The following MAN2A2 variants were observed in gnomAD, a reference collection of about 807,000 sequenced individuals.
The protein encoded by MAN2A2 is mannosidase alpha class 2A member 2.
A neutral mutation model predicts 126.8 loss-of-function variants in MAN2A2; 79 were observed. The ratio of observed to expected loss-of-function variants is 0.62; its 90% CI spans 0.52 to 0.75. The LOEUF is 0.75. Among genes scored for constraint, MAN2A2 ranks in the 30% least tolerant of loss-of-function variants. The probability of loss-of-function intolerance (pLI) is 0.00; values close to 1 mark genes in which losing one functional copy is unlikely to be tolerated. For synonymous variants in MAN2A2, 671 were observed against 618.7 expected, an observed-to-expected ratio of 1.08 and a Z score of -1.25; for missense variants, 1,392 against 1,522.4, an observed-to-expected ratio of 0.91 and a Z score of 1.43.
chr15:90,907,057 G>C (rs1445283558), intron 7 of MAN2A2, 144 bp downstream of exon 7: 2 of 1,081,872 alleles, frequency 1.8e-6, no homozygotes, highest in East Asian at 5.0e-5. Context: ...CGCACCCTCT[G>C]GTTAGGGGAG....
At chr15:90,917,953 G>A (rs779861368) in intron 20 of MAN2A2, 1 of 525,658 alleles carries the variant, frequency 1.9e-6, no homozygotes, top group Non-Finnish European at 3.4e-6. Context: ...ATGTGAGCAA[G>A]GAACTAAAAA....
Position 90,911,150 on chromosome 15 carries a change from T to G in MAN2A2, c.1876-21T>G, listed in dbSNP as rs752420705. 1.9e-6 allele frequency: 3 copies of G among 1,613,328 alleles called. No homozygotes were observed. In the Admixed American group the frequency reaches 5.0e-5, roughly 27 times the overall value. ...GGCTGAGCCCATGATGGTTCTTCCC[T>G]TCCGGCTCACTGAATTCCAGGATGA... On this transcript the variant is annotated intron_variant, in intron 12 of 22. Coordinates refer to ENST00000559717, the MANE Select transcript of MAN2A2 (RefSeq NM_006122.4).
At position 90,905,696 on chromosome 15, in the gene MAN2A2, G is replaced by C. The variant is rs1334352080; in HGVS notation, c.508G>C (p.Val170Leu). ...GGATGCTGAAGACCTGCAGGTGTTT[G>C]TGGTGCCCCACTCTCACAATGACCC... Reference protein sequence around the residue: ...DWDAEDLQVFVVPHSHNDPGW... With the variant: ...DWDAEDLQVFLVPHSHNDPGW... Residue 170 changes from valine to leucine, a missense_variant, in exon 4 of 23, where the codon GTG becomes CTG. By Grantham distance (32) the Val-to-Leu change is conservative. Transcript: ENST00000559717. 1 of 1,613,974 alleles carries C rather than the reference G, an allele frequency of 6.2e-7. No homozygotes were observed. Among genetic ancestry groups the C allele is most frequent in the Non-Finnish European group, 8.5e-7 (1 of 1,180,018 alleles).
rs1267707380 is a variant in MAN2A2, at chr15:90,918,346, CTG to C, written c.3150_3151del (p.Cys1050Ter). 6.2e-7 allele frequency: 1 copy of C among 1,614,082 alleles called. No homozygotes were observed. Among genetic ancestry groups the C allele is most frequent in the African/African-American group, 1.3e-5 (1 of 74,940 alleles). ...SFHPLASSLP[C>X]DFHLLNLRTL... is the part of the protein sequence containing the mutation. ...TTCATCCTCTGGCTTCCTCACTGCC[CTG>C]TGACTTCCACCTGCTCAACCTACGT... On this transcript the variant is annotated frameshift_variant, in exon 21 of 23. Coordinates refer to ENST00000559717, the MANE Select transcript of MAN2A2 (RefSeq NM_006122.4). LOFTEE classifies it high-confidence loss of function.
intron 9 of MAN2A2, 84 bp downstream of exon 9, chr15:90,909,588 T>C: frequency 1.5e-6 from 2 of 1,338,486 alleles, no homozygotes; most frequent in Non-Finnish European, 1.0e-6. Flanking sequence ...GGTTCCCAAC[T>C]CGGGCAGGGT....
intron 19 of MAN2A2, among the ~76,000 whole-genome samples, chr15:90,914,844 C>T (rs987802338): frequency 7.2e-5 from 11 of 152,190 alleles, no homozygotes; most frequent in Admixed American, 2.0e-4. Context: ...AGAATCAAGA[C>T]GGGCATGGGG....
intron 8 of MAN2A2, 95 bp downstream of exon 8, chr15:90,907,590 T>C (rs2034401474): frequency 1.1e-5 from 14 of 1,219,224 alleles, no homozygotes; most frequent in Non-Finnish European, 1.4e-5. Context: ...AGGTGGTGAG[T>C]TGAGGCTCCT....
In MAN2A2 at chr15:90,920,060, G is replaced by C. The variant is rs540258154; in HGVS notation, c.*273G>C. 7.4e-6 allele frequency: 3 copies of C among 403,332 alleles called. No individual in the cohort carries two copies. The highest frequency in any genetic ancestry group is 4.0e-5 in the African/African-American group (2 of 49,786). The allele number at this position is 403,332 out of a possible 1,614,324, so 25.0% of individuals were successfully genotyped here. A position where few individuals can be genotyped will look rare whatever the true frequency, so the allele number is the denominator to read the frequency against. Reference sequence around the variant, plus strand: ...TGCCAGGCTCTGCTTTGGGTTGTGAGTGGACACCCAACTGGGCACAGGCTC... The same window carrying C: ...TGCCAGGCTCTGCTTTGGGTTGTGACTGGACACCCAACTGGGCACAGGCTC... On this transcript the variant is annotated 3_prime_UTR_variant, in exon 23 of 23. Coordinates refer to ENST00000559717, the MANE Select transcript of MAN2A2 (RefSeq NM_006122.4).
intron 20 of MAN2A2, chr15:90,917,544 GC>G (rs1021754488): frequency 8.5e-5 from 13 of 152,618 alleles, no homozygotes; most frequent in African/African-American, 3.1e-4. Context: ...TGGAGAAGTT[GC>G]CGGTGGCTAT....
In MAN2A2 at chr15:90,916,253, T is replaced by G; in HGVS notation, c.2991T>G (p.Ser997Arg). The change falls in exon 20 of 23, where the codon AGT becomes AGG. Residue 997 changes from serine to arginine, a missense_variant. Coordinates refer to ENST00000559717, the MANE Select transcript of MAN2A2 (RefSeq NM_006122.4). ...TGCTAGAGCGGCGAACCGTGGGCAG[T>G]GAGGTAACATCTGGGGCTGACGCCC... The part of the protein sequence containing the change: ...RLLLERRTVG[S>R]EVQDSHSTSY... 8 of 1,613,490 alleles carry G rather than the reference T, an allele frequency of 5.0e-6. No individual in the cohort carries two copies. The highest frequency in any genetic ancestry group is 6.8e-6 in the Non-Finnish European group (8 of 1,179,766).
rs368403610 is a variant in MAN2A2 at position 90,913,260 on chromosome 15, T to A, written c.2585-13T>A. 1.2e-6 allele frequency: 2 copies of A among 1,613,104 alleles called. No individual in the cohort carries two copies. The highest frequency in any genetic ancestry group is 4.5e-5 in the East Asian group (2 of 44,874). ...CACACCTGTCCATGCCCCCACTTTG[T>A]TCCTGTACCCAGGGGTGGAGGGGCT... On this transcript the variant is annotated splice_polypyrimidine_tract_variant and intron_variant, in intron 17 of 22. Transcript: ENST00000559717.
intron 21 of MAN2A2, 100 bp from the exon 22 acceptor site, chr15:90,918,545 C>T (rs1168735652): frequency 4.2e-6 from 5 of 1,193,926 alleles, no homozygotes; most frequent in Middle Eastern, 2.1e-4. Flanking sequence ...CTTACCCACA[C>T]GCCTCCCTGT....
intron 19 of MAN2A2, 189 bp from the exon 20 acceptor site, chr15:90,915,934 C>T (rs948293205): frequency 7.6e-5 from 42 of 556,226 alleles, no homozygotes; most frequent in East Asian, 2.1e-4. Flanking sequence ...TGCAAAATAA[C>T]GGCCCAGGAC....
At chr15:90,916,097 C>A in intron 19 of MAN2A2, 26 bp from the exon 20 acceptor site, 1 of 1,612,198 alleles carries the variant, frequency 6.2e-7, no homozygotes, top group South Asian at 1.1e-5. Context: ...TGGGGGCGGG[C>A]CAGCACTCAC....
chr15:90,912,694 C>T, intron 16 of MAN2A2, 30 bp downstream of exon 16: 2 of 1,613,066 alleles, frequency 1.2e-6, no homozygotes, highest in African/African-American at 2.7e-5. Flanking sequence ...AACAACCTGG[C>T]AGGGAGGGCA....
Position 90,909,424 on chromosome 15 carries a change from C to T in MAN2A2, c.1294C>T (p.Pro432Ser), listed in dbSNP as rs760044712. 2.5e-6 allele frequency: 4 copies of T among 1,614,134 alleles called. No homozygotes were observed. The highest frequency in any genetic ancestry group is 2.2e-5 in the East Asian group (1 of 44,882). Residue 432 changes from proline (P) to serine (S), a missense_variant, in exon 9 of 23, where the codon CCC becomes TCC. By Grantham distance (74) the Pro-to-Ser change is moderately conservative. Coordinates refer to ENST00000559717, the MANE Select transcript of MAN2A2 (RefSeq NM_006122.4). Reference sequence around the variant, plus strand: ...TGGAGATGACTTCCGATATGACAAGCCCCAGGAGTGGGATGCCCAGTTCTT... The same window carrying T: ...TGGAGATGACTTCCGATATGACAAGTCCCAGGAGTGGGATGCCCAGTTCTT... The part of the protein sequence containing the change: ...PLGDDFRYDK[P>S]QEWDAQFFNY...
chr15:90,905,978 G>C lies in MAN2A2; in HGVS notation c.669G>C (p.Trp223Cys). Residue 223 changes from tryptophan (W) to cysteine (C), a missense_variant, in exon 5 of 23, where the codon TGG becomes TGC. Transcript: ENST00000559717. ...WAEVSFFAKWWDNINVQKRAA... is the reference protein window; with the variant it reads ...WAEVSFFAKWCDNINVQKRAA... Reference sequence around the variant, plus strand: ...AGGTCTCCTTCTTCGCCAAGTGGTGGGACAACATCAATGTCCAAAAGAGAG... The same window carrying C: ...AGGTCTCCTTCTTCGCCAAGTGGTGCGACAACATCAATGTCCAAAAGAGAG... 1 of 1,614,044 alleles carries C rather than the reference G, an allele frequency of 6.2e-7. No homozygotes were observed. The highest frequency in any genetic ancestry group is 8.5e-7 in the Non-Finnish European group (1 of 1,180,016).
rs1411567654 is a variant in MAN2A2, at chr15:90,918,076, A to G, written c.2995-118A>G. Reference sequence around the variant, plus strand: ...TGGAGCCAGGCGTGCCCTTGAGTCCAGGCACACCAGGAAAGGTCTTTCCAA... The same window carrying G: ...TGGAGCCAGGCGTGCCCTTGAGTCCGGGCACACCAGGAAAGGTCTTTCCAA... On this transcript the variant is annotated intron_variant, in intron 20 of 22. Coordinates refer to ENST00000559717, the MANE Select transcript of MAN2A2 (RefSeq NM_006122.4). 9 of 952,308 alleles carry G rather than the reference A, an allele frequency of 9.5e-6. No homozygotes were observed. The East Asian group carries it at 1.7e-4, about 18-fold the overall frequency. The allele number at this position is 952,308 out of a possible 1,614,324, so 59.0% of individuals were successfully genotyped here. A position where few individuals can be genotyped will look rare whatever the true frequency, so the allele number is the denominator to read the frequency against.
rs1161131010 is a variant in MAN2A2, at chr15:90,913,736, T to C, written c.2841T>C (p.Gly947=). The C allele has an allele frequency of 1.9e-6, 3 of 1,597,490 alleles. No homozygotes were observed. Among genetic ancestry groups the C allele is most frequent in the Admixed American group, 1.7e-5 (1 of 57,898 alleles). Residue 947 remains glycine (G), a synonymous_variant, in exon 19 of 23, where the codon GGT becomes GGC. Coordinates refer to ENST00000559717, the MANE Select transcript of MAN2A2 (RefSeq NM_006122.4). ...CGCTGCACACTGCCCAGGCCCTGGG[T>C]GTCTCTAGCCTCAAAGATGGTGAGT... ...RLTLHTAQAL[G]VSSLKDGQLE... is the part of the protein sequence containing the mutation.
Sources: allele counts gnomAD v4.1 joint callset (sites outside exome capture counted in the v4.1 genomes callset), GRCh38; gene constraint gnomAD v4.1.1; transcripts MANE v1.5; gene names NCBI Gene and HGNC (gene_info 2026-07-23, HGNC 2026-07-21).